Variants in PPME1 observed in about 807,000 individuals in gnomAD.
PPME1 encodes the protein protein phosphatase methylesterase 1.
A neutral mutation model predicts 56.9 loss-of-function variants in PPME1; 17 were observed. The ratio of observed to expected loss-of-function variants is 0.30; its 90% CI spans 0.20 to 0.45. The LOEUF (loss-of-function observed/expected upper bound fraction) is 0.45, where lower values mean the gene tolerates loss of function less well. PPME1 is among the 20% of genes least tolerant of loss of function. PPME1 has a pLI of 1.00. For synonymous variants in PPME1, 122 were observed against 156.2 expected (o/e 0.78, Z 1.63); for missense variants, 357 against 483.2 (o/e 0.74, Z 2.45).
chr11:74,215,639 G>T (rs1858618918), intron 3 of PPME1, among the ~76,000 whole-genome samples: 1 of 152,086 alleles, frequency 6.6e-6, no homozygotes, highest in Non-Finnish European at 1.5e-5. Context: ...AAACAAAGTT[G>T]CAGGAATAAG....
In PPME1 at chr11:74,231,753, G is replaced by A. The variant is rs183862890; in HGVS notation, c.644+751G>A. ...TTTTAGATTTACTTTCTGTGTTTCA[G>A]ATAAAATGGTGGAGAAATGGAAGAT... On this transcript the variant is annotated intron_variant, in intron 7 of 13. Coordinates refer to ENST00000328257, the MANE Select transcript of PPME1 (RefSeq NM_016147.3). Among the ~76,000 whole-genome samples the A allele has an allele frequency of 8.9e-4, 135 of 152,260 alleles. No homozygotes were observed. The Middle Eastern group carries it at 0.024, about 27-fold the overall frequency.
intron 7 of PPME1, among the ~76,000 whole-genome samples, chr11:74,231,204 C>T (rs777567409): frequency 6.6e-6 from 1 of 152,142 alleles, no homozygotes; most frequent in African/African-American, 2.4e-5. Flanking sequence ...ACTACAGGTA[C>T]ACACCACCAA....
intron 1 of PPME1, among the ~76,000 whole-genome samples, chr11:74,196,072 TGAA>T (rs1405429920): frequency 6.6e-6 from 1 of 152,204 alleles, no homozygotes; most frequent in Non-Finnish European, 1.5e-5. Context: ...AGCTTACAGT[TGAA>T]GAAATTGAGA....
Position 74,250,490 on chromosome 11 carries a change from C to A in PPME1, c.1010-464C>A, listed in dbSNP as rs1052165918. On this transcript the variant is annotated intron_variant, in intron 11 of 13. Coordinates refer to ENST00000328257, the MANE Select transcript of PPME1 (RefSeq NM_016147.3). ...CTCCAGCCTTATTGTTAACCACTCT[C>A]ATAAGCACCATGCCAAGCTTCTTGT... The A allele has an allele frequency of 5.1e-5, 8 of 158,270 alleles. No individual in the cohort carries two copies. The South Asian group carries it at 1.5e-3, about 30-fold the overall frequency. 9.8% of individuals were successfully genotyped at this position (158,270 alleles called of 1,614,324 possible).
chr11:74,180,597 A>G (rs900428947), intron 1 of PPME1, among the ~76,000 whole-genome samples: 1 of 152,204 alleles, frequency 6.6e-6, no homozygotes, highest in African/African-American at 2.4e-5. Context: ...AAATAATTAT[A>G]TGGTCGAAAC....
chr11:74,200,934 C>T (rs1002702969), intron 1 of PPME1, among the ~76,000 whole-genome samples: 1 of 152,016 alleles, frequency 6.6e-6, no homozygotes, highest in African/African-American at 2.4e-5. Flanking sequence ...TATCTTCCCA[C>T]CTCAGTCTCT....
chr11:74,186,505 A>G (rs989154354), intron 1 of PPME1, among the ~76,000 whole-genome samples: 3 of 152,176 alleles, frequency 2.0e-5, no homozygotes, highest in African/African-American at 7.2e-5. Context: ...TAGACAAGTT[A>G]TTTAAACTCC....
chr11:74,172,150 T>G (rs758057529), intron 1 of PPME1, among the ~76,000 whole-genome samples: 1 of 152,088 alleles, frequency 6.6e-6, no homozygotes, highest in Non-Finnish European at 1.5e-5. Flanking sequence ...TGAGAAAGTT[T>G]AGGGAGTAGG....
Position 74,230,137 on chromosome 11 carries a change from T to C in PPME1, c.399-108T>C, listed in dbSNP as rs1859029318. ...TTTGTAAGATGGCCCAATAGACTTT[T>C]ACAGTTTCCCAGCACTGTTACACAC... On this transcript the variant is annotated intron_variant, in intron 5 of 13. Coordinates refer to ENST00000328257, the MANE Select transcript of PPME1 (RefSeq NM_016147.3). This position sits in a 1 kb window ranked among gnomAD's most constrained non-coding sequence, Gnocchi z 4.9. 8.0e-7 allele frequency: 1 copy of C among 1,247,766 alleles called. No homozygotes were observed. The highest frequency in any genetic ancestry group is 2.4e-5 in the East Asian group (1 of 41,718). The allele number at this position is 1,247,766 out of a possible 1,614,324, so 77.3% of individuals were successfully genotyped here.
chr11:74,187,682 A>T (rs1186623622), intron 1 of PPME1, among the ~76,000 whole-genome samples: 1 of 152,196 alleles, frequency 6.6e-6, no homozygotes, highest in Non-Finnish European at 1.5e-5. Flanking sequence ...GGTAATATAC[A>T]AGTCCAAGTT....
intron 3 of PPME1, among the ~76,000 whole-genome samples, chr11:74,206,918 G>T (rs893026862): frequency 6.6e-6 from 1 of 152,120 alleles, no homozygotes; most frequent in African/African-American, 2.4e-5. Context: ...TCTGTGCCAG[G>T]TACTATGCTA....
chr11:74,183,045 C>A (rs1447216958), intron 1 of PPME1, among the ~76,000 whole-genome samples: 1 of 151,802 alleles, frequency 6.6e-6, no homozygotes, highest in African/African-American at 2.4e-5. Context: ...GCTTGTAATC[C>A]CAGCACTTTT....
At position 74,247,133 on chromosome 11, in the gene PPME1, C is replaced by A. The variant is rs1308139119; in HGVS notation, c.1009+10C>A. The A allele has an allele frequency of 6.2e-7, 1 of 1,606,312 alleles. No homozygotes were observed. The highest frequency in any genetic ancestry group is 1.1e-5 in the South Asian group (1 of 90,552). ...ATTGGCCAGATGCAAGGTAAGTTAT[C>A]AAGAAATTATACCCCTGGACCCTTT... is the stretch of plus-strand genomic sequence containing the variant. On this transcript the variant is annotated intron_variant, in intron 11 of 13. Coordinates refer to ENST00000328257, the MANE Select transcript of PPME1 (RefSeq NM_016147.3).
intron 3 of PPME1, among the ~76,000 whole-genome samples, chr11:74,211,189 G>A (rs1287314937): frequency 1.3e-5 from 2 of 152,140 alleles, no homozygotes; most frequent in East Asian, 3.8e-4. Context: ...AGGATTTAAA[G>A]GAAAATCTGA....
At chr11:74,201,349 T>C (rs1290729581) in intron 1 of PPME1, among the ~76,000 whole-genome samples, 1 of 148,958 alleles carries the variant, frequency 6.7e-6, no homozygotes, top group African/African-American at 2.6e-5. Context: ...GTGAATAATT[T>C]CTACTTATAG....
intron 10 of PPME1, 50 bp from the exon 11 acceptor site, chr11:74,247,029 A>T: frequency 6.8e-7 from 1 of 1,473,682 alleles, no homozygotes; most frequent in Non-Finnish European, 9.4e-7. Flanking sequence ...CTTTTTACTT[A>T]ATACGTGAAC....
At chr11:74,236,122 A>G in intron 8 of PPME1, 156 bp downstream of exon 8, 1 of 1,258,376 alleles carries the variant, frequency 7.9e-7, no homozygotes, top group Non-Finnish European at 1.1e-6. Flanking sequence ...GGACAGACAT[A>G]GATTTTCTTT....
At chr11:74,239,020 ATTG>A (rs1322860743) in intron 8 of PPME1, 110 bp from the exon 9 acceptor site, 7 of 1,047,422 alleles carry the variant, frequency 6.7e-6, no homozygotes, top group African/African-American at 1.6e-5. Context: ...TACCAGGATG[ATTG>A]TTAAGTTTTA....
In PPME1 at chr11:74,199,817, G is replaced by A. The variant is rs939522090; in HGVS notation, c.102-3911G>A. 2.0e-5 allele frequency among the ~76,000 whole-genome samples: 3 copies of A among 152,210 alleles called. No homozygotes were observed. The East Asian group carries it at 5.8e-4, about 29-fold the overall frequency. On this transcript the variant is annotated intron_variant, in intron 1 of 13. Coordinates refer to ENST00000328257, the MANE Select transcript of PPME1 (RefSeq NM_016147.3). Reference sequence around the variant, plus strand: ...AATAGGCATGTCTTACATGGTGGCAGACAAGAGAGAATTGAGACCCAAGTG... The same window carrying A: ...AATAGGCATGTCTTACATGGTGGCAAACAAGAGAGAATTGAGACCCAAGTG...
Sources: allele counts gnomAD v4.1 joint callset (sites outside exome capture counted in the v4.1 genomes callset), GRCh38; gene constraint gnomAD v4.1.1; non-coding constraint Gnocchi (gnomAD v3.1); transcripts MANE v1.5; gene names NCBI Gene and HGNC (gene_info 2026-07-23, HGNC 2026-07-21).